DHRSX: variants seen among roughly 807,000 people sequenced by gnomAD.
DHRSX encodes the protein polyprenol dehydrogenase.
In DHRSX, 31 loss-of-function variants were observed where a neutral mutation model predicts 34.0. The observed-to-expected ratio is 0.91, with a 90% CI of 0.69 to 1.23. The LOEUF (loss-of-function observed/expected upper bound fraction) is 1.23, where lower values mean the gene tolerates loss of function less well. DHRSX is among the 50% of genes most tolerant of loss of function. The pLI is 0.00. For missense variants in DHRSX, 414 were observed against 428.1 expected, an observed-to-expected ratio of 0.97 and a Z score of 0.29; for synonymous variants, 201 against 183.8, an observed-to-expected ratio of 1.09 and a Z score of -0.76.
chrX:2,395,983 A>T (rs2043404581), intron 3 of DHRSX, among the ~76,000 whole-genome samples: 1 of 152,222 alleles, frequency 6.6e-6, no homozygotes, highest in Admixed American at 6.5e-5. Flanking sequence ...CTGGCTCTGG[A>T]GACCAAAAGT....
At chrX:2,476,040 C>T (rs181811561) in intron 1 of DHRSX, among the ~76,000 whole-genome samples, 2 of 152,286 alleles carry the variant, frequency 1.3e-5, no homozygotes, top group African/African-American at 4.8e-5. Context: ...AAAACTTGGA[C>T]AATGCCATTT....
intron 1 of DHRSX, among the ~76,000 whole-genome samples, chrX:2,461,791 C>T (rs940421310): frequency 3.3e-5 from 5 of 152,076 alleles, no homozygotes; most frequent in African/African-American, 9.7e-5. Flanking sequence ...CCTCCAACTC[C>T]CACGCTCAAG....
chrX:2,470,290 T>C (rs1459024412), intron 1 of DHRSX, among the ~76,000 whole-genome samples: 1 of 114,634 alleles, frequency 8.7e-6, no homozygotes, highest in Non-Finnish European at 1.9e-5. Context: ...CCAGGAGCGC[T>C]GTGGCTCATG....
At chrX:2,246,993 G>GGCTGGAGTGC (rs1275002459) in intron 5 of DHRSX, among the ~76,000 whole-genome samples, 1 of 152,136 alleles carries the variant, frequency 6.6e-6, no homozygotes, top group Non-Finnish European at 1.5e-5. Flanking sequence ...CTGTCACCCA[G>GGCTGGAGTGC]GCTGGAGTGC....
chrX:2,368,301 T>C (rs963319064), intron 3 of DHRSX, among the ~76,000 whole-genome samples: 11 of 151,840 alleles, frequency 7.2e-5, no homozygotes, highest in South Asian at 2.1e-4. Context: ...TCATTTTTTA[T>C]GTAATAACAA....
intron 3 of DHRSX, among the ~76,000 whole-genome samples, chrX:2,349,988 G>C (rs776456884): frequency 6.6e-6 from 1 of 151,716 alleles, no homozygotes; most frequent in South Asian, 2.1e-4. Context: ...GCAGTAAGCC[G>C]AGATCGCGCC....
intron 3 of DHRSX, among the ~76,000 whole-genome samples, chrX:2,364,360 C>T (rs779252142): frequency 6.6e-6 from 1 of 152,302 alleles, no homozygotes; most frequent in Admixed American, 6.5e-5. Context: ...CAACACGCTA[C>T]AGTCCACAGC....
At chrX:2,416,664 T>C (rs762390426) in intron 2 of DHRSX, among the ~76,000 whole-genome samples, 51 of 152,208 alleles carry the variant, frequency 3.4e-4, no homozygotes, top group African/African-American at 1.0e-3. Context: ...TCATCTTAGA[T>C]GACAGTCCAT....
intron 1 of DHRSX, chrX:2,490,393 C>A (rs199866649): frequency 2.7e-5 from 43 of 1,613,692 alleles, no homozygotes; most frequent in Non-Finnish European, 3.6e-5. Flanking sequence ...TGACGGCCAG[C>A]GCGTCCTGCC....
At chrX:2,264,439 G>A (rs1479694800) in intron 5 of DHRSX, among the ~76,000 whole-genome samples, 4 of 150,484 alleles carry the variant, frequency 2.7e-5, no homozygotes, top group African/African-American at 9.8e-5. Flanking sequence ...AGGGAGCACT[G>A]TGCCCAGAGC....
chrX:2,408,223 A>C (rs909474192), intron 3 of DHRSX, among the ~76,000 whole-genome samples: 18 of 151,602 alleles, frequency 1.2e-4, no homozygotes, highest in African/African-American at 4.4e-4. Context: ...TTACAGGCAC[A>C]TGCCACCATG....
At chrX:2,357,016 G>A (rs2042862699) in intron 3 of DHRSX, among the ~76,000 whole-genome samples, 1 of 152,064 alleles carries the variant, frequency 6.6e-6, no homozygotes, top group Admixed American at 6.6e-5. Context: ...GGCCAAAGTG[G>A]GTGGATCACC....
chrX:2,414,152 C>T (rs909655388), intron 2 of DHRSX, among the ~76,000 whole-genome samples: 184 of 151,864 alleles, frequency 1.2e-3, no homozygotes, highest in African/African-American at 4.3e-3. Flanking sequence ...TCATGACTGA[C>T]TATGACTAGA....
chrX:2,452,909 A>G (rs1430495237), intron 1 of DHRSX, among the ~76,000 whole-genome samples: 1 of 152,200 alleles, frequency 6.6e-6, no homozygotes, highest in African/African-American at 2.4e-5. Flanking sequence ...GTACCCATCA[A>G]TGGGATACCT....
intron 3 of DHRSX, among the ~76,000 whole-genome samples, chrX:2,360,642 C>T (rs1217783812): frequency 1.3e-5 from 2 of 151,964 alleles, no homozygotes; most frequent in Non-Finnish European, 2.9e-5. Context: ...ACATCCACCT[C>T]TGGAATGACT....
rs1473076338 is a variant in DHRSX, at chrX:2,221,226, G to A, written c.808C>T (p.Pro270Ser). The change falls in exon 7 of 7, where the codon CCC (proline) becomes TCC (serine). Residue 270 changes from proline (P) to serine (S), a missense_variant. Pro to Ser is a moderately conservative substitution (Grantham distance 74, BLOSUM62 -1). Coordinates refer to ENST00000334651, the MANE Select transcript of DHRSX (RefSeq NM_145177.3). Reference sequence around the variant, plus strand: ...ATGGAAGTCCACGCTCCTTCATCGGGGGTCTGGTGGAAGAAGAAAAGAAGG... The same window carrying A: ...ATGGAAGTCCACGCTCCTTCATCGGAGGTCTGGTGGAAGAAGAAAAGAAGG... The part of the protein sequence containing the change: ...KLLGWLLFKT[P>S]DEGAWTSIYA... 1.9e-6 allele frequency: 3 copies of A among 1,612,294 alleles called. No individual in the cohort carries two copies. Among genetic ancestry groups the A allele is most frequent in the Non-Finnish European group, 2.5e-6 (3 of 1,179,180 alleles).
chrX:2,406,152 C>CA, intron 3 of DHRSX, among the ~76,000 whole-genome samples: 1 of 151,800 alleles, frequency 6.6e-6, no homozygotes, highest in Non-Finnish European at 1.5e-5. Context: ...ATTAGCTGGG[C>CA]ATGGTCGCCA....
At chrX:2,387,799 TC>T (rs1351112316) in intron 3 of DHRSX, among the ~76,000 whole-genome samples, 2 of 147,148 alleles carry the variant, frequency 1.4e-5, no homozygotes, top group Non-Finnish European at 3.0e-5. Context: ...AGTTAGGACC[TC>T]AGCCAGCTCC....
chrX:2,305,634 T>C (rs1353460245), intron 3 of DHRSX, among the ~76,000 whole-genome samples: 3 of 152,102 alleles, frequency 2.0e-5, no homozygotes, highest in Admixed American at 6.5e-5. Flanking sequence ...ATGTGGCACA[T>C]AGACACCATG....
Sources: gnomAD v4.1 joint callset for allele counts (sites outside exome capture counted in the v4.1 genomes callset) on GRCh38, gnomAD v4.1.1 for gene constraint, MANE v1.5 for transcripts, NCBI Gene and HGNC (gene_info 2026-07-23, HGNC 2026-07-21) for gene names.